Variants in NUP37 observed in about 807,000 individuals in gnomAD.
The protein encoded by NUP37 is nucleoporin 37.
Under a neutral mutation model 45.4 loss-of-function variants are expected in NUP37, and 33 were observed. The observed-to-expected ratio is 0.73, with a 90% CI of 0.55 to 0.97. The LOEUF (loss-of-function observed/expected upper bound fraction) is 0.97. Ranked by LOEUF, NUP37 falls within the 50% of genes least tolerant of loss-of-function variation. The probability of loss-of-function intolerance (pLI) is 0.00; values close to 1 mark genes in which losing one functional copy is unlikely to be tolerated. For missense variants in NUP37, 365 were observed against 389.7 expected, an observed-to-expected ratio of 0.94 and a Z score of 0.53; for synonymous variants, 127 against 130.7, an observed-to-expected ratio of 0.97 and a Z score of 0.19.
At chr12:102,103,165 T>C (rs765024861) in intron 3 of NUP37, among the ~76,000 whole-genome samples, 5 of 152,168 alleles carry the variant, frequency 3.3e-5, no homozygotes, top group Non-Finnish European at 5.9e-5. Flanking sequence ...AGGCATTGCA[T>C]TGAATCTGTG....
At chr12:102,101,576 G>A (rs1249760536) in intron 3 of NUP37, among the ~76,000 whole-genome samples, 1 of 151,894 alleles carries the variant, frequency 6.6e-6, no homozygotes, top group Non-Finnish European at 1.5e-5. Flanking sequence ...ATCAGATGAA[G>A]TAAGATACTA....
At chr12:102,098,787 C>T (rs1371526078) in intron 5 of NUP37, among the ~76,000 whole-genome samples, 1 of 152,172 alleles carries the variant, frequency 6.6e-6, no homozygotes, top group Non-Finnish European at 1.5e-5. Context: ...CCACCTTGGT[C>T]TCCCAAAGAG....
chr12:102,115,705 GA>G (rs1880444028), intron 2 of NUP37: 1 of 394,488 alleles, frequency 2.5e-6, no homozygotes, highest in Admixed American at 6.4e-5. Flanking sequence ...ATGCTTTATT[GA>G]AATTCAAATT....
intron 6 of NUP37, chr12:102,079,338 T>C (rs1879269412): frequency 2.3e-6 from 1 of 426,034 alleles, no homozygotes. Context: ...TATTCTATTA[T>C]TCATCTAACA....
chr12:102,115,792 A>C (rs1410895295), intron 2 of NUP37: 1 of 975,996 alleles, frequency 1.0e-6, no homozygotes, highest in African/African-American at 1.8e-5. Flanking sequence ...AAATCTTTCC[A>C]CTTAATTTAC....
intron 2 of NUP37, among the ~76,000 whole-genome samples, chr12:102,115,464 A>G (rs960219998): frequency 2.0e-5 from 3 of 152,360 alleles, no homozygotes; most frequent in East Asian, 1.9e-4. Flanking sequence ...AGGCAAGCAT[A>G]TATGTTCATG....
rs150056317 is a variant in NUP37 at position 102,078,477 on chromosome 12, G to T, written c.541-974C>A. 2.9e-3 allele frequency among the ~76,000 whole-genome samples: 445 copies of T among 152,310 alleles called. 1 individual carries two copies. The highest frequency in any genetic ancestry group is 4.8e-3 in the Non-Finnish European group (327 of 68,026). On this transcript the variant is annotated intron_variant, in intron 6 of 9. Coordinates refer to ENST00000552283, the MANE Select transcript of NUP37 (RefSeq NM_024057.4). ...TTGTCTAGAAAGAATAGCTAAGTAT[G>T]TATCTCTCAAGAGAGACAGACATTT... is the stretch of plus-strand genomic sequence containing the variant.
At chr12:102,095,015 C>T (rs1270641573) in intron 5 of NUP37, among the ~76,000 whole-genome samples, 1 of 151,950 alleles carries the variant, frequency 6.6e-6, no homozygotes, top group Non-Finnish European at 1.5e-5. Context: ...CGTACTAGGT[C>T]TTGTATTTCT....
intron 6 of NUP37, among the ~76,000 whole-genome samples, chr12:102,085,033 C>T (rs1451234880): frequency 6.6e-6 from 1 of 152,114 alleles, no homozygotes; most frequent in Non-Finnish European, 1.5e-5. Context: ...ACAAATTTGC[C>T]TTATGCGACT....
intron 3 of NUP37, among the ~76,000 whole-genome samples, chr12:102,109,663 A>G (rs1267020778): frequency 6.6e-6 from 1 of 152,214 alleles, no homozygotes; most frequent in Non-Finnish European, 1.5e-5. Context: ...CTGAATTTGT[A>G]TAGTTCCAAA....
intron 5 of NUP37, among the ~76,000 whole-genome samples, chr12:102,093,419 C>T (rs370470369): frequency 6.6e-5 from 10 of 152,002 alleles, no homozygotes. Flanking sequence ...CTTATACAGA[C>T]AGATAAATTT....
At chr12:102,111,449 T>TA (rs1428945607) in intron 3 of NUP37, among the ~76,000 whole-genome samples, 1 of 152,022 alleles carries the variant, frequency 6.6e-6, no homozygotes, top group Admixed American at 6.5e-5. Flanking sequence ...TCCCTTAATT[T>TA]AAAAAAAACG....
rs754054963 is a variant in NUP37 at position 102,112,134 on chromosome 12, T to C, written c.255A>G (p.Arg85=). Residue 85 remains arginine, a synonymous_variant, in exon 3 of 10, where the codon AGA becomes AGG. Coordinates refer to ENST00000552283, the MANE Select transcript of NUP37 (RefSeq NM_024057.4). ...TGATTACTGGAGGCAATGAATCAAG[T>C]CTAGTCTCTGGGCTCCAAGCTATGC... ...VDGIAWSPET[R]LDSLPPVIKF... is the part of the protein sequence containing the mutation. 2 of 1,613,902 alleles carry C rather than the reference T, an allele frequency of 1.2e-6. No homozygotes were observed. The highest frequency in any genetic ancestry group is 2.2e-5 in the East Asian group (1 of 44,846).
chr12:102,118,627 A>G (rs970812421), intron 1 of NUP37, 44 bp from the exon 2 acceptor site: 10 of 945,484 alleles, frequency 1.1e-5, no homozygotes, highest in Non-Finnish European at 1.4e-5. Flanking sequence ...TCAATATGTT[A>G]GTCATTCAGC....
chr12:102,083,544 G>C (rs1326041500), intron 6 of NUP37, among the ~76,000 whole-genome samples: 1 of 152,138 alleles, frequency 6.6e-6, no homozygotes, highest in Non-Finnish European at 1.5e-5. Flanking sequence ...CTACTTAATA[G>C]ATTTTTTGAT....
At chr12:102,089,016 G>A (rs1268085272) in intron 5 of NUP37, among the ~76,000 whole-genome samples, 15 of 152,106 alleles carry the variant, frequency 9.9e-5, no homozygotes, top group Non-Finnish European at 1.6e-4. Context: ...CAGAGAGCAC[G>A]GGGTTGGGGG....
At chr12:102,076,742 TG>T in intron 8 of NUP37, 54 bp downstream of exon 8, 1 of 1,444,118 alleles carries the variant, frequency 6.9e-7, no homozygotes, top group Non-Finnish European at 9.7e-7. Context: ...ATCCCAGTGG[TG>T]GCACAGCAAC....
chr12:102,082,132 G>T (rs1879347091), intron 6 of NUP37, among the ~76,000 whole-genome samples: 1 of 152,050 alleles, frequency 6.6e-6, no homozygotes, highest in Non-Finnish European at 1.5e-5. Flanking sequence ...AGCTCCTATT[G>T]AGTCTTATTG....
In NUP37 at chr12:102,112,245, A is replaced by C; in HGVS notation, c.157-13T>G. 1 of 1,599,900 alleles carries C rather than the reference A, an allele frequency of 6.3e-7. No individual in the cohort carries two copies. The highest frequency in any genetic ancestry group is 2.2e-5 in the East Asian group (1 of 44,728). ...CTGCTTCTTCTTCCTAAGCATACAC[A>C]GTAAATGTTTTAATAAGTAATGAGA... On this transcript the variant is annotated splice_polypyrimidine_tract_variant and intron_variant, in intron 2 of 9. Transcript: ENST00000552283.
Sources: allele counts gnomAD v4.1 joint callset (sites outside exome capture counted in the v4.1 genomes callset), GRCh38; gene constraint gnomAD v4.1.1; transcripts MANE v1.5; gene names NCBI Gene and HGNC (gene_info 2026-07-23, HGNC 2026-07-21).